Variants in CEP350 observed in about 807,000 individuals in gnomAD.
The protein encoded by CEP350 is centrosome-associated protein 350.
A neutral mutation model predicts 331.8 loss-of-function variants in CEP350; 126 were observed. The observed-to-expected ratio is 0.38, with a 90% confidence interval of 0.33 to 0.44. The LOEUF (loss-of-function observed/expected upper bound fraction) is 0.44, where lower values mean the gene tolerates loss of function less well. Ranked by LOEUF, CEP350 falls within the 20% of genes least tolerant of loss-of-function variation. The probability of loss-of-function intolerance (pLI) is 1.00; values close to 1 mark genes in which losing one functional copy is unlikely to be tolerated. For synonymous variants in CEP350, 1,200 were observed against 1,259.5 expected, an observed-to-expected ratio of 0.95 and a Z score of 1.00; for missense variants, 3,406 against 3,634.6, an observed-to-expected ratio of 0.94 and a Z score of 1.62.
chr1:180,046,049 A>G (rs1657096967), intron 21 of CEP350, among the ~76,000 whole-genome samples: 1 of 152,210 alleles, frequency 6.6e-6, no homozygotes, highest in African/African-American at 2.4e-5. Context: ...TTCAAGAATC[A>G]GTGCTATCCC....
intron 27 of CEP350, among the ~76,000 whole-genome samples, chr1:180,069,010 ACTC>A (rs1380945606): frequency 6.6e-6 from 1 of 152,128 alleles, no homozygotes; most frequent in Non-Finnish European, 1.5e-5. Flanking sequence ...TTGGATTCAA[ACTC>A]CTCAGTACAA....
chr1:180,019,436 G>T (rs981734459), intron 11 of CEP350, among the ~76,000 whole-genome samples: 1 of 152,010 alleles, frequency 6.6e-6, no homozygotes, highest in Admixed American at 6.5e-5. Flanking sequence ...TCCCTATTTA[G>T]CATGTACATT....
chr1:179,982,905 C>G (rs1652383602), intron 1 of CEP350, among the ~76,000 whole-genome samples: 3 of 152,176 alleles, frequency 2.0e-5, no homozygotes, highest in Non-Finnish European at 4.4e-5. Flanking sequence ...ATTCTCCTGC[C>G]TCAGCCTCGT....
At chr1:179,968,773 A>T in intron 1 of CEP350, 1 of 654,618 alleles carries the variant, frequency 1.5e-6, no homozygotes, top group South Asian at 1.4e-5. Context: ...TAAAAGGAAA[A>T]GTAATGGCAT....
intron 16 of CEP350, among the ~76,000 whole-genome samples, chr1:180,034,574 A>G (rs1226421475): frequency 6.6e-6 from 1 of 151,416 alleles, no homozygotes; most frequent in Non-Finnish European, 1.5e-5. Context: ...CCCTGTGTCC[A>G]CAATTTTGAT....
At chr1:179,963,450 T>C (rs1433282080) in intron 1 of CEP350, among the ~76,000 whole-genome samples, 1 of 152,164 alleles carries the variant, frequency 6.6e-6, no homozygotes, top group African/African-American at 2.4e-5. Context: ...TGAGGTTTTA[T>C]GTTTAAGTCT....
Position 180,020,556 on chromosome 1 carries a change from C to T in CEP350, c.2782C>T (p.Pro928Ser), listed in dbSNP as rs748270602. 3 of 1,613,888 alleles carry T rather than the reference C, an allele frequency of 1.9e-6. No individual in the cohort carries two copies. ...EFKKLPEMIR[P>S]QSAISSFRVR... ...TAAAAAGCTTCCTGAGATGATAAGACCACAGAGTGCCATATCAAGCTTTAG... is the reference window on the plus strand; with the variant it reads ...TAAAAAGCTTCCTGAGATGATAAGATCACAGAGTGCCATATCAAGCTTTAG... The change falls in exon 12 of 38, where the codon CCA becomes TCA. Residue 928 changes from proline to serine, a missense_variant. Transcript: ENST00000367607.
chr1:180,052,607 A>G (rs554846473), intron 22 of CEP350, among the ~76,000 whole-genome samples: 6 of 150,928 alleles, frequency 4.0e-5, no homozygotes, highest in Admixed American at 6.6e-5. Context: ...TCTTTGATTG[A>G]TAGTAATGTT....
intron 25 of CEP350, among the ~76,000 whole-genome samples, chr1:180,057,995 A>T (rs1250574920): frequency 6.6e-6 from 1 of 152,156 alleles, no homozygotes; most frequent in Admixed American, 6.5e-5. Context: ...TAGTTTTGTC[A>T]CTGTGGCTCT....
chr1:179,977,817 CT>C (rs570030145), intron 1 of CEP350, among the ~76,000 whole-genome samples: 3 of 151,770 alleles, frequency 2.0e-5, no homozygotes, highest in Non-Finnish European at 4.4e-5. Context: ...CTTTTTGACT[CT>C]TTTGTAATAA....
chr1:180,080,176 G>T (rs995011584), intron 29 of CEP350, among the ~76,000 whole-genome samples: 2 of 152,004 alleles, frequency 1.3e-5, no homozygotes, highest in African/African-American at 4.8e-5. Context: ...AGTACATACT[G>T]AGTATTTTTA....
At chr1:180,059,781 A>G (rs1051771159) in intron 25 of CEP350, among the ~76,000 whole-genome samples, 1 of 152,236 alleles carries the variant, frequency 6.6e-6, no homozygotes, top group African/African-American at 2.4e-5. Context: ...TATGTTGCCA[A>G]TGATAAAATT....
chr1:180,096,395 G>A (rs768443278), intron 36 of CEP350, among the ~76,000 whole-genome samples: 29 of 106,138 alleles, frequency 2.7e-4, no homozygotes, highest in Non-Finnish European at 5.0e-4. Context: ...GAATCCTCAA[G>A]TTTGTGCAAA....
Position 179,992,077 on chromosome 1 carries a change from A to G in CEP350, c.251A>G (p.Asp84Gly). 6.5e-7 allele frequency: 1 copy of G among 1,542,290 alleles called. No homozygotes were observed. The highest frequency in any genetic ancestry group is 8.7e-7 in the Non-Finnish European group (1 of 1,148,252). Reference sequence around the variant, plus strand: ...TTTCCTTCAGATGGTAGATACCTGGATGATTCTTGGGTTAATGCTCCAATC... The same window carrying G: ...TTTCCTTCAGATGGTAGATACCTGGGTGATTCTTGGGTTAATGCTCCAATC... ...KISRKDGRYL[D>G]DSWVNAPISK... The change falls in exon 5 of 38, where the codon GAT becomes GGT. Residue 84 changes from aspartate (D) to glycine (G), a missense_variant. Transcript: ENST00000367607.
intron 1 of CEP350, among the ~76,000 whole-genome samples, chr1:179,972,953 C>T (rs542536341): frequency 3.4e-4 from 51 of 151,554 alleles, no homozygotes; most frequent in African/African-American, 1.0e-3. Flanking sequence ...CTGCAAGCTC[C>T]GCCTCCGGGG....
chr1:179,970,737 C>T (rs1307184947), intron 1 of CEP350, among the ~76,000 whole-genome samples: 1 of 152,184 alleles, frequency 6.6e-6, no homozygotes, highest in Non-Finnish European at 1.5e-5. Flanking sequence ...ACTGTCAATA[C>T]ATGTGAAAGA....
chr1:180,109,353 C>T (rs1159422672), intron 37 of CEP350, among the ~76,000 whole-genome samples: 1 of 152,022 alleles, frequency 6.6e-6, no homozygotes, highest in Admixed American at 6.6e-5. Context: ...CTCCTGACCT[C>T]GTGATCCACC....
chr1:180,036,527 A>G (rs1007759878), intron 16 of CEP350, among the ~76,000 whole-genome samples: 3 of 152,236 alleles, frequency 2.0e-5, no homozygotes, highest in Non-Finnish European at 4.4e-5. Flanking sequence ...AGCTATCAAC[A>G]TTGAGGTACG....
rs577312260 is a variant in CEP350, at chr1:180,069,359, C to T, written c.5567+4087C>T. 3.3e-5 allele frequency among the ~76,000 whole-genome samples: 5 copies of T among 152,288 alleles called. No homozygotes were observed. In the South Asian group the frequency reaches 1.0e-3, roughly 32 times the overall value. On this transcript the variant is annotated intron_variant, in intron 27 of 37. Coordinates refer to ENST00000367607, the MANE Select transcript of CEP350 (RefSeq NM_014810.5). ...AGTGTCTGATCAATGTCGAAATCTTCACCATTAATCTGAATTTTAAAAATG... is the reference window on the plus strand; with the variant it reads ...AGTGTCTGATCAATGTCGAAATCTTTACCATTAATCTGAATTTTAAAAATG...
Sources: gnomAD v4.1 joint callset for allele counts (sites outside exome capture counted in the v4.1 genomes callset) on GRCh38, gnomAD v4.1.1 for gene constraint, MANE v1.5 for transcripts, NCBI Gene and HGNC (gene_info 2026-07-23, HGNC 2026-07-21) for gene names.